RASGRP3: variants seen among roughly 807,000 people sequenced by gnomAD.
RASGRP3 encodes ras guanyl-releasing protein 3.
Under a neutral mutation model 82.7 loss-of-function variants are expected in RASGRP3, and 54 were observed. The ratio of observed to expected loss-of-function variants is 0.65; its 90% CI spans 0.52 to 0.82. The LOEUF is 0.82. RASGRP3 is among the 40% of genes least tolerant of loss of function. The pLI is 0.00. For synonymous variants in RASGRP3, 309 were observed against 300.5 expected (o/e 1.03, Z -0.29); for missense variants, 861 against 828.9 (o/e 1.04, Z -0.48).
chr2:33,540,046 C>G (rs1235401969), intron 12 of RASGRP3: 1 of 151,210 alleles, frequency 6.6e-6, no homozygotes, highest in Non-Finnish European at 1.5e-5. Context: ...GATGGGGGAA[C>G]ACGGAAACAT....
chr2:33,559,077 A>G (rs1183825429), intron 17 of RASGRP3, 47 bp downstream of exon 17: 2 of 1,472,014 alleles, frequency 1.4e-6, no homozygotes, highest in Non-Finnish European at 1.8e-6. Flanking sequence ...AAGGAGGCTG[A>G]AAGTGCTGAG....
At chr2:33,475,078 C>G (rs544435969), upstream of RASGRP3, among the ~76,000 whole-genome samples, 107 of 152,308 alleles carry the variant, frequency 7.0e-4, no homozygotes, top group Admixed American at 1.3e-3. Context: ...CAGTAGGCCT[C>G]TTTTTCTGTT....
At position 33,462,715 on chromosome 2, in the gene RASGRP3, C is replaced by T. The variant is rs371504469; in HGVS notation, c.-261+14772C>T. Among the ~76,000 whole-genome samples, 154 of 152,290 alleles carry T rather than the reference C, an allele frequency of 1.0e-3. 1 individual carries two copies. In the South Asian group the frequency reaches 0.018, roughly 18 times the overall value. ...CTAACTGCACTTTTCCTGTGATTCT[C>T]ACGAAGATCAAATTGCGCCCCCACC... On this transcript the variant is annotated intron_variant, in intron 2 of 18. Transcript: ENST00000402538.
chr2:33,516,540 A>C lies in RASGRP3; in HGVS notation c.71-2A>C. The stretch of plus-strand genomic sequence containing the variant: ...TCACTTCTTGTTTTATTTTTCTAAC[A>C]GATGACAATGGAGAGCTGGATAATA... On this transcript the variant is annotated splice_acceptor_variant, in intron 3 of 17. Transcript: ENST00000403687. LOFTEE classifies it high-confidence loss of function. The C allele has an allele frequency of 6.5e-7, 1 of 1,539,636 alleles. No individual in the cohort carries two copies. The highest frequency in any genetic ancestry group is 8.9e-7 in the Non-Finnish European group (1 of 1,122,200).
chr2:33,508,898 T>C (rs1415921146), intron 1 of RASGRP3, among the ~76,000 whole-genome samples: 1 of 152,200 alleles, frequency 6.6e-6, no homozygotes, highest in Non-Finnish European at 1.5e-5. Context: ...ACAATGTTTG[T>C]GGCAAATCTC....
chr2:33,473,405 A>G (rs950877391), upstream of RASGRP3, among the ~76,000 whole-genome samples: 3 of 152,068 alleles, frequency 2.0e-5, no homozygotes, highest in East Asian at 5.8e-4. Flanking sequence ...AAAAAATCAG[A>G]AAGACTGTTG....
chr2:33,558,737 A>T lies in RASGRP3; in HGVS notation c.1771A>T (p.Ile591Phe). Residue 591 changes from isoleucine (I) to phenylalanine (F), a missense_variant, in exon 17 of 18, where the codon ATC becomes TTC. Coordinates refer to ENST00000403687, the MANE Select transcript of RASGRP3 (RefSeq NM_001139488.2). ...ACACAGGGATTTAGACAGCAGAGCCATCACACTGGTTACAGGCTCTTCTCG... is the reference window on the plus strand; with the variant it reads ...ACACAGGGATTTAGACAGCAGAGCCTTCACACTGGTTACAGGCTCTTCTCG... ...AGHRDLDSRAITLVTGSSRKI... is the reference protein window; with the variant it reads ...AGHRDLDSRAFTLVTGSSRKI... 6.2e-7 allele frequency: 1 copy of T among 1,613,948 alleles called. No homozygotes were observed. The highest frequency in any genetic ancestry group is 8.5e-7 in the Non-Finnish European group (1 of 1,179,888).
rs548235251 is a variant in RASGRP3 at position 33,562,792 on chromosome 2, G to A, written c.*55G>A. On this transcript the variant is annotated 3_prime_UTR_variant, in exon 18 of 18. Coordinates refer to ENST00000403687, the MANE Select transcript of RASGRP3 (RefSeq NM_001139488.2). ...TGTTGGCTTTTGGAAGGGGCAAGAC[G>A]AGAAACTCTGAAGAAAGCTCTGACT... 5.2e-5 allele frequency: 83 copies of A among 1,586,730 alleles called. 1 individual carries two copies. The Middle Eastern group carries it at 6.7e-4, about 13-fold the overall frequency.
intron 11 of RASGRP3, among the ~76,000 whole-genome samples, chr2:33,538,391 T>TAC (rs1673871585): frequency 6.6e-6 from 1 of 152,014 alleles, no homozygotes; most frequent in South Asian, 2.1e-4. Context: ...TAATACCAGC[T>TAC]ACTTGGGAGG....
At chr2:33,453,825 T>G (rs1369583195) in intron 2 of RASGRP3, among the ~76,000 whole-genome samples, 1 of 152,264 alleles carries the variant, frequency 6.6e-6, no homozygotes, top group East Asian at 1.9e-4. Context: ...TGTACTTTTC[T>G]ATACTTTAAA....
At chr2:33,539,448 C>T (rs1558504639) in intron 12 of RASGRP3, 3 of 374,890 alleles carry the variant, frequency 8.0e-6, no homozygotes, top group Middle Eastern at 7.4e-4. Flanking sequence ...TCCAGCTCCT[C>T]TCTTTCACAG....
chr2:33,531,061 T>TA (rs1228207597), intron 10 of RASGRP3: 1 of 152,172 alleles, frequency 6.6e-6, no homozygotes, highest in South Asian at 2.1e-4. Context: ...GTCTCATTTT[T>TA]AAAAAAGAAG....
At chr2:33,529,439 G>A (rs899277556) in intron 10 of RASGRP3, among the ~76,000 whole-genome samples, 3 of 124,404 alleles carry the variant, frequency 2.4e-5, no homozygotes, top group Admixed American at 1.1e-4. Context: ...AGCTTGCAGC[G>A]AGCCGAGATG....
rs1447566683 is a variant in RASGRP3, at chr2:33,563,679, T to TG, written c.*943dup. ...AATTTTTTTAAACTCAATAATTTTGTGAAAAAAAAAACCACCACCAAACTT... is the reference window on the plus strand; with the variant it reads ...AATTTTTTTAAACTCAATAATTTTGTGGAAAAAAAAAACCACCACCAAACTT... On this transcript the variant is annotated 3_prime_UTR_variant, in exon 18 of 18. Transcript: ENST00000403687. The TG allele has an allele frequency of 6.7e-6, 1 of 149,462 alleles. No homozygotes were observed. Among genetic ancestry groups the TG allele is most frequent in the Non-Finnish European group, 1.5e-5 (1 of 67,602 alleles). 9.3% of individuals were successfully genotyped at this position (149,462 alleles called of 1,614,324 possible).
At chr2:33,474,671 A>G (rs924851749), upstream of RASGRP3, among the ~76,000 whole-genome samples, 31 of 152,152 alleles carry the variant, frequency 2.0e-4, no homozygotes, top group Admixed American at 6.6e-5. Context: ...TGCTCTGGCC[A>G]TGTGACTCAT....
intron 1 of RASGRP3, among the ~76,000 whole-genome samples, chr2:33,509,688 T>C (rs1670745775): frequency 6.6e-6 from 1 of 152,220 alleles, no homozygotes; most frequent in South Asian, 2.1e-4. Context: ...TAAGATATTT[T>C]ATTGTCATTG....
In RASGRP3 at chr2:33,497,912, G is replaced by A. The variant is rs1353886653; in HGVS notation, c.-260-13798G>A. Among the ~76,000 whole-genome samples, 6 of 152,106 alleles carry A rather than the reference G, an allele frequency of 3.9e-5. No homozygotes were observed. In the East Asian group the frequency reaches 1.2e-3, roughly 29 times the overall value. ...TATGGACTAAGTCATAGAAGAAATG[G>A]GATTTAAACTAGTTCTCATTTCATG... On this transcript the variant is annotated intron_variant, in intron 1 of 17. Transcript: ENST00000403687.
chr2:33,559,599 T>C (rs1553367554), intron 17 of RASGRP3: 1 of 518,656 alleles, frequency 1.9e-6, no homozygotes, highest in Non-Finnish European at 3.8e-6. Flanking sequence ...TGGAATTTGT[T>C]AGAGTATGCT....
At chr2:33,476,555 C>A (rs1475281163), upstream of RASGRP3, 1 of 152,174 alleles carries the variant, frequency 6.6e-6, no homozygotes, top group Non-Finnish European at 1.5e-5. Flanking sequence ...CCTCCTGGCA[C>A]GGTGGCGGGC....
Sources: gnomAD v4.1 joint callset for allele counts (sites outside exome capture counted in the v4.1 genomes callset) on GRCh38, gnomAD v4.1.1 for gene constraint, MANE v1.5 for transcripts, NCBI Gene and HGNC (gene_info 2026-07-23, HGNC 2026-07-21) for gene names.